The following C8orf34 variants were observed in gnomAD, a reference collection of about 807,000 sequenced individuals.
C8orf34 encodes chromosome 8 open reading frame 34, also known as uncharacterized protein C8orf34.
In C8orf34, 65 loss-of-function variants were observed where a neutral mutation model predicts 68.3. The ratio of observed to expected loss-of-function variants is 0.95; its 90% confidence interval spans 0.78 to 1.17. C8orf34 has a LOEUF of 1.17. Among genes scored for constraint, C8orf34 ranks in the 50% most tolerant of loss-of-function variants. The pLI is 0.00. For synonymous variants in C8orf34, 244 were observed against 241.2 expected (o/e 1.01, Z -0.11); for missense variants, 664 against 655.4 (o/e 1.01, Z -0.14).
Position 68,468,647 on chromosome 8 carries a change from CATT to C in C8orf34, c.608-42_608-40del, listed in dbSNP as rs1404522808. The C allele has an allele frequency of 1.9e-6, 3 of 1,591,068 alleles. No individual in the cohort carries two copies. In the African/African-American group the frequency reaches 4.1e-5, roughly 21 times the overall value. On this transcript the variant is annotated intron_variant, in intron 3 of 13. Coordinates refer to ENST00000518698, the MANE Select transcript of C8orf34 (RefSeq NM_052958.4). ...GTGATGATGAATAGTCAGTTTGTGT[CATT>C]ATGTAGCATGCTTATGAAATTACCA...
chr8:68,643,620 G>T (rs2130748489), intron 8 of C8orf34, among the ~76,000 whole-genome samples: 1 of 152,196 alleles, frequency 6.6e-6, no homozygotes, highest in Admixed American at 6.5e-5. Flanking sequence ...GTCCTCCCAT[G>T]GTGGGAGGGT....
intron 5 of C8orf34, among the ~76,000 whole-genome samples, chr8:68,499,972 G>C (rs1480772140): frequency 6.6e-6 from 1 of 152,192 alleles, no homozygotes; most frequent in East Asian, 1.9e-4. Flanking sequence ...GTTCATGTGA[G>C]ATCTGGTTGT....
intron 1 of C8orf34, among the ~76,000 whole-genome samples, chr8:68,359,089 G>C (rs145317383): frequency 1.3e-5 from 2 of 152,026 alleles, no homozygotes; most frequent in African/African-American, 4.8e-5. Flanking sequence ...AGGAGTAAAC[G>C]TTTCCCCAGA....
intron 1 of C8orf34, among the ~76,000 whole-genome samples, chr8:68,331,943 C>G (rs1370291026): frequency 4.0e-5 from 6 of 150,472 alleles, no homozygotes; most frequent in African/African-American, 1.5e-4. Flanking sequence ...AATTGGCAAA[C>G]TGAGAGACTG....
intron 7 of C8orf34, among the ~76,000 whole-genome samples, chr8:68,639,109 G>A (rs1313541849): frequency 2.0e-5 from 3 of 152,062 alleles, no homozygotes; most frequent in African/African-American, 7.2e-5. Context: ...TGTATTGCAT[G>A]AGGAATCATG....
intron 7 of C8orf34, among the ~76,000 whole-genome samples, chr8:68,575,087 A>G (rs1816863749): frequency 6.6e-6 from 1 of 152,046 alleles, no homozygotes; most frequent in South Asian, 2.1e-4. Flanking sequence ...ACATATCTAT[A>G]TTAATTATCC....
At chr8:68,658,158 A>T (rs1046072534) in intron 8 of C8orf34, among the ~76,000 whole-genome samples, 1 of 152,136 alleles carries the variant, frequency 6.6e-6, no homozygotes, top group Non-Finnish European at 1.5e-5. Context: ...ATCATTTTTT[A>T]AAAAATTGCT....
chr8:68,523,870 C>T (rs1470335180), intron 6 of C8orf34, among the ~76,000 whole-genome samples: 2 of 152,062 alleles, frequency 1.3e-5, no homozygotes, highest in Non-Finnish European at 2.9e-5. Context: ...CTGACAAAAT[C>T]GTATCCTAGA....
At chr8:68,419,500 A>C (rs563445828) in intron 1 of C8orf34, among the ~76,000 whole-genome samples, 1 of 151,952 alleles carries the variant, frequency 6.6e-6, no homozygotes, top group South Asian at 2.1e-4. Flanking sequence ...AGGACTATAA[A>C]TCATGCTGCT....
intron 10 of C8orf34, among the ~76,000 whole-genome samples, chr8:68,755,236 G>A (rs1355929020): frequency 6.6e-6 from 1 of 152,188 alleles, no homozygotes; most frequent in East Asian, 1.9e-4. Flanking sequence ...GAACTGTCAA[G>A]ATTCAGTGAT....
chr8:68,514,769 T>G (rs536946650), intron 5 of C8orf34, among the ~76,000 whole-genome samples: 1 of 152,362 alleles, frequency 6.6e-6, no homozygotes, highest in African/African-American at 2.4e-5. Flanking sequence ...CATAAAATTT[T>G]TTCTATAATT....
chr8:68,535,671 T>C (rs1052267045), intron 7 of C8orf34: 2 of 721,280 alleles, frequency 2.8e-6, no homozygotes, highest in African/African-American at 3.8e-5. Context: ...TCTAAATGTT[T>C]TAGGCATATG....
intron 8 of C8orf34, among the ~76,000 whole-genome samples, chr8:68,702,934 G>C (rs13267479): frequency 0.15 from 22,964 of 152,010 alleles, 2,484 homozygotes; most frequent in East Asian, 0.54. Context: ...GCTGCTACTT[G>C]GTCCTATTTT....
chr8:68,419,289 C>T (rs1166770556), intron 1 of C8orf34, among the ~76,000 whole-genome samples: 1 of 147,742 alleles, frequency 6.8e-6, no homozygotes, highest in Admixed American at 6.7e-5. Flanking sequence ...TACCATCTCA[C>T]ACCAGTTAGA....
intron 1 of C8orf34, among the ~76,000 whole-genome samples, chr8:68,360,476 T>C (rs1267054647): frequency 1.3e-5 from 2 of 152,176 alleles, no homozygotes; most frequent in Non-Finnish European, 1.5e-5. Flanking sequence ...TTAAAGATAA[T>C]CAAACTTTCA....
At position 68,586,708 on chromosome 8, in the gene C8orf34, C is replaced by G. The variant is rs148745767; in HGVS notation, c.1105+53559C>G. ...TTGTAAATGAAATAAAGATCGACTT[C>G]TTTCCTTTTTTGAAAACAAATAGCA... On this transcript the variant is annotated intron_variant, in intron 7 of 13. Transcript: ENST00000518698. 4.9e-3 allele frequency among the ~76,000 whole-genome samples: 749 copies of G among 152,174 alleles called. 2 individuals are homozygous for G. The highest frequency in any genetic ancestry group is 8.4e-3 in the Non-Finnish European group (568 of 67,988).
intron 10 of C8orf34, among the ~76,000 whole-genome samples, chr8:68,768,332 T>A (rs1179188404): frequency 6.6e-6 from 1 of 152,188 alleles, no homozygotes; most frequent in Non-Finnish European, 1.5e-5. Flanking sequence ...CTGATTTTTT[T>A]AAAAGTCTTG....
At chr8:68,627,237 G>C (rs535860863) in intron 7 of C8orf34, among the ~76,000 whole-genome samples, 1 of 152,176 alleles carries the variant, frequency 6.6e-6, no homozygotes, top group African/African-American at 2.4e-5. Context: ...CTGATTTCCA[G>C]TTGTATTCCT....
At chr8:68,380,786 C>A (rs1278577948) in intron 1 of C8orf34, among the ~76,000 whole-genome samples, 1 of 152,198 alleles carries the variant, frequency 6.6e-6, no homozygotes, top group Non-Finnish European at 1.5e-5. Context: ...GAAACTCAGG[C>A]TTAGAAGAGC....
Sources: allele counts gnomAD v4.1 joint callset (sites outside exome capture counted in the v4.1 genomes callset), GRCh38; gene constraint gnomAD v4.1.1; transcripts MANE v1.5; gene names NCBI Gene and HGNC (gene_info 2026-07-23, HGNC 2026-07-21).